The following GRID2 variants were observed in gnomAD, a reference collection of about 807,000 sequenced individuals.
The protein encoded by GRID2 is glutamate ionotropic receptor delta type subunit 2.
A neutral mutation model predicts 114.8 loss-of-function variants in GRID2; 33 were observed. The ratio of observed to expected loss-of-function variants is 0.29; its 90% CI spans 0.22 to 0.38. The LOEUF is 0.38. Among genes scored for constraint, GRID2 ranks in the 10% least tolerant of loss-of-function variants. The pLI is 1.00. For missense variants in GRID2, 1,184 were observed against 1,257.7 expected, an observed-to-expected ratio of 0.94 and a Z score of 0.89; for synonymous variants, 505 against 449.9, an observed-to-expected ratio of 1.12 and a Z score of -1.55.
At chr4:92,872,335 T>C (rs949800123) in intron 2 of GRID2, among the ~76,000 whole-genome samples, 1 of 152,134 alleles carries the variant, frequency 6.6e-6, no homozygotes, top group Admixed American at 6.6e-5. Context: ...CTGAAAACTT[T>C]CCAATTTCAT....
chr4:93,221,331 T>C (rs1015996832), intron 6 of GRID2, among the ~76,000 whole-genome samples: 1 of 152,088 alleles, frequency 6.6e-6, no homozygotes, highest in Non-Finnish European at 1.5e-5. Flanking sequence ...AAGAAAGATA[T>C]CTCAAAGCAA....
intron 2 of GRID2, among the ~76,000 whole-genome samples, chr4:93,073,626 C>G (rs1197831023): frequency 6.6e-6 from 1 of 152,046 alleles, no homozygotes; most frequent in Non-Finnish European, 1.5e-5. Context: ...CACCCTTTAT[C>G]CCTAGAAAGT....
At chr4:93,411,155 GCT>G (rs756554442) in intron 9 of GRID2, among the ~76,000 whole-genome samples, 49 of 152,066 alleles carry the variant, frequency 3.2e-4, no homozygotes, top group South Asian at 8.3e-4. Flanking sequence ...AAAGTTACTT[GCT>G]AATATTTTAG....
chr4:92,765,948 T>C (rs370126674), intron 2 of GRID2, among the ~76,000 whole-genome samples: 2 of 152,174 alleles, frequency 1.3e-5, no homozygotes, highest in African/African-American at 4.8e-5. Flanking sequence ...AGAGCTTTTA[T>C]TTTGATATAC....
intron 2 of GRID2, among the ~76,000 whole-genome samples, chr4:93,006,893 G>A (rs1721593724): frequency 6.7e-6 from 1 of 149,898 alleles, no homozygotes; most frequent in African/African-American, 2.4e-5. Flanking sequence ...CCAAAAGTAA[G>A]TAAAAAAACA....
At chr4:92,822,882 C>A (rs1234880750) in intron 2 of GRID2, 1 of 152,454 alleles carries the variant, frequency 6.6e-6, no homozygotes, top group Non-Finnish European at 1.5e-5. Context: ...GTATTGTGGC[C>A]TTCAAGAGTG....
At chr4:92,384,471 T>TAATAAAA (rs1373179870) in intron 1 of GRID2, among the ~76,000 whole-genome samples, 5 of 54,098 alleles carry the variant, frequency 9.2e-5, no homozygotes, top group African/African-American at 1.7e-4. Flanking sequence ...TATATATATA[T>TAATAAAA]ATATATATTA....
At chr4:93,597,542 A>G (rs547248698) in intron 13 of GRID2, among the ~76,000 whole-genome samples, 19 of 152,268 alleles carry the variant, frequency 1.2e-4, no homozygotes, top group Non-Finnish European at 1.5e-5. Context: ...TCTCCTGCTC[A>G]TTTGTGATTT....
At chr4:93,781,411 T>TGGGCTGCGGTGAG (rs754582863) in intron 1 of GRID2, among the ~76,000 whole-genome samples, 4 of 151,240 alleles carry the variant, frequency 2.6e-5, no homozygotes, top group East Asian at 1.9e-4. Context: ...TGAGGCCTAC[T>TGGGCTGCGGTGAG]GGGCTGCGGT....
intron 2 of GRID2, among the ~76,000 whole-genome samples, chr4:92,857,981 A>G (rs1466581471): frequency 1.3e-5 from 2 of 152,184 alleles, no homozygotes; most frequent in Non-Finnish European, 2.9e-5. Context: ...CTATAAATGG[A>G]ACAATAAAGC....
chr4:93,651,873 C>A (rs1376774753), intron 14 of GRID2, among the ~76,000 whole-genome samples: 1 of 152,126 alleles, frequency 6.6e-6, no homozygotes, highest in Non-Finnish European at 1.5e-5. Context: ...CCCCAGCCTC[C>A]AAACCTCTTG....
chr4:93,169,511 G>A (rs1321871318), intron 4 of GRID2, among the ~76,000 whole-genome samples: 1 of 152,090 alleles, frequency 6.6e-6, no homozygotes, highest in African/African-American at 2.4e-5. Flanking sequence ...TCAGTAAGAA[G>A]CAGATATAGT....
chr4:92,875,858 C>A (rs1745591116), intron 2 of GRID2, among the ~76,000 whole-genome samples: 2 of 152,042 alleles, frequency 1.3e-5, no homozygotes, highest in African/African-American at 4.8e-5. Flanking sequence ...TAAGCATTTA[C>A]TGAAGACTTA....
At chr4:93,127,105 A>T (rs1356541635) in intron 4 of GRID2, among the ~76,000 whole-genome samples, 4 of 152,194 alleles carry the variant, frequency 2.6e-5, no homozygotes, top group African/African-American at 9.7e-5. Flanking sequence ...CACAAATAAA[A>T]ATTTTGTAAA....
rs74716421 is a variant in GRID2, at chr4:93,745,313, T to G, written c.2361-23897T>G. 7.6e-3 allele frequency among the ~76,000 whole-genome samples: 1,161 copies of G among 152,234 alleles called. 10 individuals carry two copies. Among genetic ancestry groups the G allele is most frequent in the Non-Finnish European group, 0.012 (832 of 68,006 alleles). ...TTTCCTTTACTGAATCACAGCAGACTTAGAAAAAAAGAGAGAATAGAAATC... is the reference window on the plus strand; with the variant it reads ...TTTCCTTTACTGAATCACAGCAGACGTAGAAAAAAAGAGAGAATAGAAATC... On this transcript the variant is annotated intron_variant, in intron 14 of 15. Coordinates refer to ENST00000282020, the MANE Select transcript of GRID2 (RefSeq NM_001510.4).
chr4:92,555,853 T>C (rs1474115727), intron 1 of GRID2, among the ~76,000 whole-genome samples: 1 of 152,158 alleles, frequency 6.6e-6, no homozygotes, highest in Non-Finnish European at 1.5e-5. Context: ...ATTTCACCCT[T>C]CTCATTTTTC....
intron 4 of GRID2, among the ~76,000 whole-genome samples, chr4:93,163,739 G>A (rs1737980018): frequency 6.6e-6 from 1 of 151,872 alleles, no homozygotes; most frequent in African/African-American, 2.4e-5. Flanking sequence ...ACAATGTCAT[G>A]TAACATTGGT....
intron 2 of GRID2, among the ~76,000 whole-genome samples, chr4:92,711,749 A>G (rs1381268696): frequency 6.6e-6 from 1 of 152,082 alleles, no homozygotes; most frequent in African/African-American, 2.4e-5. Flanking sequence ...CAAAAAATAC[A>G]AAAATTAGCC....
At chr4:93,426,883 C>T (rs987372902) in intron 10 of GRID2, among the ~76,000 whole-genome samples, 18 of 151,818 alleles carry the variant, frequency 1.2e-4, no homozygotes, top group Non-Finnish European at 2.2e-4. Context: ...TTATTTTGTT[C>T]AACCGGATAT....
Sources: allele counts gnomAD v4.1 joint callset (sites outside exome capture counted in the v4.1 genomes callset), GRCh38; gene constraint gnomAD v4.1.1; transcripts MANE v1.5; gene names NCBI Gene and HGNC (gene_info 2026-07-23, HGNC 2026-07-21).